The following PFKFB4 variants were observed in gnomAD, a reference collection of about 807,000 sequenced individuals.
The protein encoded by PFKFB4 is 6-phosphofructo-2-kinase/fructose-2,6-biphosphatase 4.
In PFKFB4, 42 loss-of-function variants were observed where a neutral mutation model predicts 62.8. The ratio of observed to expected loss-of-function variants is 0.67; its 90% CI spans 0.52 to 0.86. The LOEUF is 0.86. PFKFB4 is among the 40% of genes least tolerant of loss of function. The probability of loss-of-function intolerance (pLI) is 0.00; values close to 1 mark genes in which losing one functional copy is unlikely to be tolerated. For missense variants in PFKFB4, 475 were observed against 627.2 expected, an observed-to-expected ratio of 0.76 and a Z score of 2.59; for synonymous variants, 204 against 240.7, an observed-to-expected ratio of 0.85 and a Z score of 1.41.
chr3:48,532,309 CAAAATAAATAAA>C (rs1332925741), intron 9 of PFKFB4, among the ~76,000 whole-genome samples: 2 of 151,822 alleles, frequency 1.3e-5, no homozygotes, highest in East Asian at 1.9e-4. Flanking sequence ...GATTCCGTTT[CAAAATAAATAAA>C]TAAATAAATA....
Position 48,536,289 on chromosome 3 carries a change from G to A in PFKFB4, c.807C>T (p.Gly269=), listed in dbSNP as rs373842902. ...ESELNLKGRI[G]GDPGLSPRGR... is the part of the protein sequence containing the mutation. The stretch of plus-strand genomic sequence containing the variant: ...CCCGAGGGGACAGTCCTGGGTCCCC[G>A]CCAATCCGGCCCTTGAGGTTGAGCT... Residue 269 remains glycine, a synonymous_variant, in exon 8 of 14, where the codon GGC becomes GGT. Transcript: ENST00000232375. 12 of 1,613,924 alleles carry A rather than the reference G, an allele frequency of 7.4e-6. No homozygotes were observed. Among genetic ancestry groups the A allele is most frequent in the Admixed American group, 3.3e-5 (2 of 60,012 alleles).
rs576321581 is a variant in PFKFB4 at position 48,525,725 on chromosome 3, G to A, written c.988-56C>T. 531 of 914,030 alleles carry A rather than the reference G, an allele frequency of 5.8e-4. 6 individuals carry two copies. In the South Asian group the frequency reaches 8.3e-3, roughly 14 times the overall value. 56.6% of individuals were successfully genotyped at this position (914,030 alleles called of 1,614,324 possible). A position where few individuals can be genotyped will look rare whatever the true frequency, so the allele number is the denominator to read the frequency against. ...TACAGGCCCAGAAGATGAGCCTTGG[G>A]GACATGTGGGGTGAGGCAGCATCAA... is the stretch of plus-strand genomic sequence containing the variant. On this transcript the variant is annotated intron_variant, in intron 9 of 13. Coordinates refer to ENST00000232375, the MANE Select transcript of PFKFB4 (RefSeq NM_004567.4).
intron 3 of PFKFB4, among the ~76,000 whole-genome samples, chr3:48,546,643 G>A (rs753373731): frequency 7.2e-5 from 11 of 152,284 alleles, no homozygotes; most frequent in Non-Finnish European, 1.5e-4. Flanking sequence ...GCCAGGGTTG[G>A]GGAACTTGAT....
upstream of PFKFB4, among the ~76,000 whole-genome samples, chr3:48,557,258 G>C (rs1560185042): frequency 6.6e-6 from 1 of 152,210 alleles, no homozygotes; most frequent in African/African-American, 2.4e-5. Context: ...GGAGGGAGGG[G>C]TTTTCATGCA....
At chr3:48,546,799 A>G (rs1400266002) in intron 3 of PFKFB4, among the ~76,000 whole-genome samples, 3 of 152,220 alleles carry the variant, frequency 2.0e-5, no homozygotes, top group African/African-American at 7.2e-5. Context: ...CATGCTAGGC[A>G]CAGGGTGCCT....
chr3:48,529,083 G>C (rs2042352757), intron 9 of PFKFB4, among the ~76,000 whole-genome samples: 1 of 151,800 alleles, frequency 6.6e-6, no homozygotes, highest in South Asian at 2.1e-4. Flanking sequence ...TGTCTCCAAG[G>C]CTGGAGTGTA....
Position 48,536,410 on chromosome 3 carries a change from C to T in PFKFB4, c.686G>A (p.Arg229His), listed in dbSNP as rs1305352947. 1.1e-5 allele frequency: 17 copies of T among 1,614,076 alleles called. No homozygotes were observed. Among genetic ancestry groups the T allele is most frequent in the East Asian group, 2.2e-5 (1 of 44,896 alleles). The change falls in exon 8 of 14, where the codon CGT becomes CAT. Residue 229 changes from arginine (R) to histidine (H), a missense_variant. By Grantham distance (29) the Arg-to-His change is conservative. Coordinates refer to ENST00000232375, the MANE Select transcript of PFKFB4 (RefSeq NM_004567.4). The stretch of plus-strand genomic sequence containing the variant: ...GCGGCTCTGGATGTGGTCAGCCACA[C>T]GGTTCACCACGTAGCTCTGGCCCAC... Reference protein sequence around the residue: ...MDVGQSYVVNRVADHIQSRIV... With the variant: ...MDVGQSYVVNHVADHIQSRIV...
At chr3:48,550,284 G>C (rs774513608) in intron 1 of PFKFB4, 50 bp from the exon 2 acceptor site, 5 of 1,180,344 alleles carry the variant, frequency 4.2e-6, no homozygotes, top group African/African-American at 1.5e-5. Context: ...CCCTCCCAGC[G>C]CACCCCTCCC....
At chr3:48,538,913 G>T (rs757178126) in intron 6 of PFKFB4, among the ~76,000 whole-genome samples, 5 of 152,190 alleles carry the variant, frequency 3.3e-5, no homozygotes, top group Non-Finnish European at 5.9e-5. Flanking sequence ...CCCAGACCCA[G>T]ATGCCCATTC....
At chr3:48,536,511 C>G (rs1471438317) in intron 7 of PFKFB4, 48 bp from the exon 8 acceptor site, 2 of 1,460,044 alleles carry the variant, frequency 1.4e-6, no homozygotes, top group Non-Finnish European at 1.9e-6. Context: ...GGCCAGGGTT[C>G]TCACAGAGCA....
upstream of PFKFB4, chr3:48,561,769 C>T (rs2043436203): frequency 6.8e-6 from 1 of 146,594 alleles, no homozygotes; most frequent in South Asian, 2.1e-4. The surrounding 1 kb of genome is among the most constrained non-coding windows in gnomAD (Gnocchi z 5.2). Context: ...CCTCCTGCTG[C>T]AGGACCTCCA....
upstream of PFKFB4, chr3:48,562,838 C>G: frequency 1.3e-6 from 2 of 1,581,678 alleles, no homozygotes; most frequent in Non-Finnish European, 1.7e-6. The surrounding 1 kb of genome is among the most constrained non-coding windows in gnomAD (Gnocchi z 4.3). Context: ...GGCCTGCTCC[C>G]TGGCAGCCCT....
In PFKFB4 at chr3:48,519,575, T is replaced by C. The variant is rs907955980; in HGVS notation, c.*172A>G. ...AGCCACGCACAACCTTGTCGCCGAC[T>C]GTCAACAAAGAGCCAGGTGGGCTGG... On this transcript the variant is annotated 3_prime_UTR_variant, in exon 14 of 14. Transcript: ENST00000232375. The C allele has an allele frequency of 2.8e-4, 167 of 603,114 alleles. 1 individual carries two copies. The East Asian group carries it at 4.5e-3, about 16-fold the overall frequency. 37.4% of individuals were successfully genotyped at this position (603,114 alleles called of 1,614,324 possible).
At chr3:48,520,769 G>A (rs996614261) in intron 13 of PFKFB4, among the ~76,000 whole-genome samples, 1 of 152,212 alleles carries the variant, frequency 6.6e-6, no homozygotes, top group Admixed American at 6.5e-5. Flanking sequence ...CACCCATAGT[G>A]GGCAGAATGA....
At chr3:48,541,729 G>C (rs2042804604) in intron 4 of PFKFB4, among the ~76,000 whole-genome samples, 1 of 152,200 alleles carries the variant, frequency 6.6e-6, no homozygotes, top group Non-Finnish European at 1.5e-5. Context: ...ACTTTCGGAG[G>C]CTGGGGCAGG....
chr3:48,536,642 C>T (rs1008098063), intron 7 of PFKFB4, 179 bp from the exon 8 acceptor site: 9 of 584,446 alleles, frequency 1.5e-5, no homozygotes, highest in East Asian at 2.8e-5. Context: ...CAACACAGTG[C>T]GTGTGACGCA....
At chr3:48,549,209 G>T (rs1361538913) in intron 3 of PFKFB4, among the ~76,000 whole-genome samples, 1 of 152,162 alleles carries the variant, frequency 6.6e-6, no homozygotes, top group Non-Finnish European at 1.5e-5. Flanking sequence ...TGAGGGTGGG[G>T]CGGTAGCATA....
rs539468257 is a variant in PFKFB4, at chr3:48,521,488, C to T, written c.1350+498G>A. 1.3e-5 allele frequency among the ~76,000 whole-genome samples: 2 copies of T among 152,302 alleles called. No individual in the cohort carries two copies. The highest frequency in any genetic ancestry group is 2.1e-4 in the South Asian group (1 of 4,828). ...CCCTTCAGTATCTGCATGGCCCTTT[C>T]CCCAAAAGTACATGATCCCATTTTA... On this transcript the variant is annotated intron_variant, in intron 13 of 13. Transcript: ENST00000232375. This position sits in a 1 kb window ranked among gnomAD's most constrained non-coding sequence, Gnocchi z 5.3.
chr3:48,549,794 T>G, intron 3 of PFKFB4, 70 bp downstream of exon 3: 1 of 937,842 alleles, frequency 1.1e-6, no homozygotes, highest in Non-Finnish European at 1.8e-6. Flanking sequence ...AAATGGTCAG[T>G]AATGTGTTAG....
Sources: allele counts gnomAD v4.1 joint callset (sites outside exome capture counted in the v4.1 genomes callset), GRCh38; gene constraint gnomAD v4.1.1; non-coding constraint Gnocchi (gnomAD v3.1); transcripts MANE v1.5; gene names NCBI Gene and HGNC (gene_info 2026-07-23, HGNC 2026-07-21).